The following RFTN2 variants were observed in gnomAD, a reference collection of about 807,000 sequenced individuals.
RFTN2 encodes raftlin-2.
RFTN2 carries 34 observed loss-of-function variants against 52.7 expected under a neutral mutation model. That is an observed-to-expected ratio of 0.64 (90% CI 0.49 to 0.86). The LOEUF is 0.86. RFTN2 is among the 40% of genes least tolerant of loss of function. The probability of loss-of-function intolerance (pLI) is 0.00; values close to 1 mark genes in which losing one functional copy is unlikely to be tolerated. For missense variants in RFTN2, 536 were observed against 600.1 expected, an observed-to-expected ratio of 0.89 and a Z score of 1.12; for synonymous variants, 203 against 217.7, an observed-to-expected ratio of 0.93 and a Z score of 0.59.
intron 7 of RFTN2, among the ~76,000 whole-genome samples, chr2:197,599,228 C>A (rs1013215610): frequency 6.6e-6 from 1 of 152,116 alleles, no homozygotes; most frequent in Non-Finnish European, 1.5e-5. Context: ...CGTGAGCCAC[C>A]GCGCCCAGCC....
At chr2:197,637,707 T>C (rs1157444949) in intron 3 of RFTN2, among the ~76,000 whole-genome samples, 5 of 150,682 alleles carry the variant, frequency 3.3e-5, no homozygotes, top group African/African-American at 9.7e-5. Context: ...ATTCATTAAT[T>C]TTTTGAAGGG....
chr2:197,656,261 T>C (rs1166554298), intron 1 of RFTN2, among the ~76,000 whole-genome samples: 1 of 152,170 alleles, frequency 6.6e-6, no homozygotes, highest in Non-Finnish European at 1.5e-5. Flanking sequence ...TGGCACACAG[T>C]AAGTGCTCTA....
intron 5 of RFTN2, among the ~76,000 whole-genome samples, chr2:197,627,655 A>T (rs1190248464): frequency 6.6e-6 from 1 of 152,210 alleles, no homozygotes; most frequent in Non-Finnish European, 1.5e-5. Flanking sequence ...AAGATGTGGT[A>T]TCCTAAGGTG....
intron 8 of RFTN2, among the ~76,000 whole-genome samples, chr2:197,591,703 G>A (rs1355627265): frequency 6.6e-6 from 1 of 152,176 alleles, no homozygotes; most frequent in African/African-American, 2.4e-5. Context: ...GCCCTGCCCG[G>A]CGGGGAGGCA....
chr2:197,614,079 T>A (rs1184957055), intron 7 of RFTN2, among the ~76,000 whole-genome samples: 1 of 152,162 alleles, frequency 6.6e-6, no homozygotes, highest in East Asian at 1.9e-4. Flanking sequence ...AGCCCTTGAT[T>A]AGTTACTGTA....
intron 8 of RFTN2, chr2:197,587,980 CAA>C (rs2087628666): frequency 2.1e-6 from 1 of 470,600 alleles, no homozygotes; most frequent in East Asian, 6.9e-5. Context: ...AACTGTAGCC[CAA>C]GTCTCTTACC....
chr2:197,627,158 C>G (rs1198423956), intron 5 of RFTN2, among the ~76,000 whole-genome samples: 3 of 152,216 alleles, frequency 2.0e-5, no homozygotes, highest in East Asian at 3.9e-4. Flanking sequence ...TCTTTCCTGC[C>G]CTAAGGTCTT....
chr2:197,600,755 G>T (rs1300248585), intron 7 of RFTN2, among the ~76,000 whole-genome samples: 1 of 152,146 alleles, frequency 6.6e-6, no homozygotes, highest in Non-Finnish European at 1.5e-5. Flanking sequence ...CATCCAAAAG[G>T]TGCTGTTAGT....
chr2:197,671,120 A>G (rs1411671533), intron 1 of RFTN2, among the ~76,000 whole-genome samples: 1 of 152,212 alleles, frequency 6.6e-6, no homozygotes, highest in Admixed American at 6.5e-5. Context: ...ACTTGTTCAA[A>G]AAGCCTTTAC....
At chr2:197,659,002 G>A (rs1423086185) in intron 1 of RFTN2, among the ~76,000 whole-genome samples, 1 of 151,952 alleles carries the variant, frequency 6.6e-6, no homozygotes, top group Non-Finnish European at 1.5e-5. Flanking sequence ...TTGCTTAAAA[G>A]CTTCATAGAC....
chr2:197,572,404 G>A, intron 8 of RFTN2, 124 bp from the exon 9 acceptor site: 1 of 921,936 alleles, frequency 1.1e-6, no homozygotes, highest in Non-Finnish European at 1.7e-6. Flanking sequence ...TCAAAATCCT[G>A]CTCATCTTCA....
chr2:197,580,820 C>T (rs1161911211), intron 8 of RFTN2, among the ~76,000 whole-genome samples: 5 of 152,156 alleles, frequency 3.3e-5, no homozygotes, highest in Admixed American at 1.3e-4. Flanking sequence ...ACTTGGACAA[C>T]GTTCTTTTAA....
intron 1 of RFTN2, among the ~76,000 whole-genome samples, chr2:197,670,161 T>A (rs1009711929): frequency 6.6e-6 from 1 of 152,224 alleles, no homozygotes; most frequent in Non-Finnish European, 1.5e-5. Context: ...ATGGCTGCTT[T>A]AGCGCTACAA....
chr2:197,635,075 T>C (rs1264781004), intron 3 of RFTN2, among the ~76,000 whole-genome samples: 2 of 152,184 alleles, frequency 1.3e-5, no homozygotes, highest in Non-Finnish European at 2.9e-5. Flanking sequence ...CTCATCATTT[T>C]TTATGGCTGC....
At chr2:197,604,848 C>A (rs1348964101) in intron 7 of RFTN2, among the ~76,000 whole-genome samples, 1 of 152,142 alleles carries the variant, frequency 6.6e-6, no homozygotes, top group African/African-American at 2.4e-5. Flanking sequence ...GCAACCTCTG[C>A]CTCCTGGGCT....
At chr2:197,662,416 T>A (rs1193441653) in intron 1 of RFTN2, among the ~76,000 whole-genome samples, 1 of 152,194 alleles carries the variant, frequency 6.6e-6, no homozygotes, top group Non-Finnish European at 1.5e-5. Flanking sequence ...TTTTTGAAAA[T>A]CAGTTGACAG....
intron 1 of RFTN2, among the ~76,000 whole-genome samples, chr2:197,664,796 T>C (rs1201263117): frequency 6.6e-6 from 1 of 152,074 alleles, no homozygotes; most frequent in African/African-American, 2.4e-5. Flanking sequence ...AAAAAAAATT[T>C]TGTTGAGACT....
Position 197,633,892 on chromosome 2 carries a change from A to C in RFTN2, c.544T>G (p.Ser182Ala). 2 of 1,613,876 alleles carry C rather than the reference A, an allele frequency of 1.2e-6. No individual in the cohort carries two copies. The highest frequency in any genetic ancestry group is 2.2e-5 in the East Asian group (1 of 44,870). The change falls in exon 4 of 9, where the codon TCG becomes GCG. Residue 182 changes from serine (S) to alanine (A), a missense_variant. Physicochemically the swap from Ser to Ala is moderately conservative, Grantham distance 99. Transcript: ENST00000295049. ...GAACCGTGTCTCACATGTAGCATCG[A>C]TTCTATATCTCCATCATGGTTGGTT... Reference protein sequence around the residue: ...NGTNHDGDIESMLHVRHGSDE... With the variant: ...NGTNHDGDIEAMLHVRHGSDE...
chr2:197,582,408 C>G (rs2087524890), intron 8 of RFTN2, among the ~76,000 whole-genome samples: 1 of 152,228 alleles, frequency 6.6e-6, no homozygotes, highest in African/African-American at 2.4e-5. Flanking sequence ...CTGACATTGA[C>G]TCCATTTCCC....
Sources: gnomAD v4.1 joint callset for allele counts (sites outside exome capture counted in the v4.1 genomes callset) on GRCh38, gnomAD v4.1.1 for gene constraint, MANE v1.5 for transcripts, NCBI Gene and HGNC (gene_info 2026-07-23, HGNC 2026-07-21) for gene names.